CNTN6: variants seen among roughly 807,000 people sequenced by gnomAD.
CNTN6 encodes contactin-6.
Under a neutral mutation model 122.8 loss-of-function variants are expected in CNTN6, and 137 were observed. That is an observed-to-expected ratio of 1.12 (90% confidence interval 0.97 to 1.29). CNTN6 has a LOEUF of 1.29. Ranked by LOEUF, CNTN6 falls within the 50% of genes most tolerant of loss-of-function variation. The pLI, the probability that CNTN6 is intolerant of heterozygous loss-of-function variation, is 0.00. For missense variants in CNTN6, 1,634 were observed against 1,223.4 expected, an observed-to-expected ratio of 1.34 and a Z score of -5.01; for synonymous variants, 570 against 426.0, an observed-to-expected ratio of 1.34 and a Z score of -4.16.
chr3:1,389,843 TCAA>T (rs1693828847), intron 20 of CNTN6, among the ~76,000 whole-genome samples: 1 of 151,450 alleles, frequency 6.6e-6, no homozygotes, highest in Non-Finnish European at 1.5e-5. Context: ...AGGGATCAAT[TCAA>T]CAAGAAGAGC....
At chr3:1,151,643 T>C (rs2092844829) in intron 2 of CNTN6, among the ~76,000 whole-genome samples, 2 of 152,182 alleles carry the variant, frequency 1.3e-5, no homozygotes, top group Admixed American at 6.5e-5. Context: ...GCAAGGAGCT[T>C]GATGTTGACC....
intron 6 of CNTN6, among the ~76,000 whole-genome samples, chr3:1,297,075 A>G (rs1696362669): frequency 6.6e-6 from 1 of 152,182 alleles, no homozygotes; most frequent in African/African-American, 2.4e-5. Context: ...TGAATGAAGT[A>G]GTACTCACTA....
intron 12 of CNTN6, among the ~76,000 whole-genome samples, chr3:1,369,483 G>A (rs1708689386): frequency 6.7e-6 from 1 of 149,772 alleles, no homozygotes; most frequent in Admixed American, 6.7e-5. Flanking sequence ...AGTTACAAAT[G>A]AGTTAACTAG....
chr3:1,202,545 AATAAATAAATAAATAAATAAATAAAT>A (rs1204270044), intron 2 of CNTN6, among the ~76,000 whole-genome samples: 4 of 70,400 alleles, frequency 5.7e-5, no homozygotes, highest in Non-Finnish European at 1.0e-4. Context: ...CGTCTCAAAA[AATAAATAAATAAATAAATAAATAAAT>A]AAATAAATAA....
intron 1 of CNTN6, among the ~76,000 whole-genome samples, chr3:1,135,272 G>T (rs1013800249): frequency 2.0e-5 from 3 of 152,064 alleles, no homozygotes; most frequent in Non-Finnish European, 4.4e-5. Context: ...CAGCATCACT[G>T]TTGACAGGCA....
In CNTN6 at chr3:1,288,164, A is replaced by G. The variant is rs535914708; in HGVS notation, c.455-7437A>G. ...TTCTATAGTTATTTGGAACTTAGCA[A>G]TATTAGGAACCCATGAGACCTTTAT... On this transcript the variant is annotated intron_variant, in intron 5 of 22. Coordinates refer to ENST00000446702, the MANE Select transcript of CNTN6 (RefSeq NM_001289080.2). 2.9e-4 allele frequency among the ~76,000 whole-genome samples: 44 copies of G among 152,258 alleles called. 1 individual carries two copies. Among genetic ancestry groups the G allele is most frequent in the Admixed American group, 6.5e-4 (10 of 15,290 alleles).
At chr3:1,319,833 GAAAAT>G (rs61076777) in intron 7 of CNTN6, among the ~76,000 whole-genome samples, 5,431 of 136,030 alleles carry the variant, frequency 0.04, 319 homozygotes, top group African/African-American at 0.13. Flanking sequence ...ACAGAGAGCA[GAAAAT>G]AAAATAAAAT....
intron 2 of CNTN6, among the ~76,000 whole-genome samples, chr3:1,167,296 T>C (rs181923847): frequency 7.2e-5 from 11 of 152,312 alleles, no homozygotes; most frequent in Admixed American, 6.5e-4. Context: ...TTTTCATTTT[T>C]TCCTATCAGT....
Position 1,402,436 on chromosome 3 carries a change from A to G in CNTN6, c.2936A>G (p.Asp979Gly). 1 of 1,612,216 alleles carries G rather than the reference A, an allele frequency of 6.2e-7. No individual in the cohort carries two copies. Among genetic ancestry groups the G allele is most frequent in the Non-Finnish European group, 8.5e-7 (1 of 1,178,726 alleles). ...DYLIEIRTVSDGGDGSSSEEI... is the reference protein window; with the variant it reads ...DYLIEIRTVSGGGDGSSSEEI... ...TTAATTGAAATAAGAACAGTCAGTG[A>G]TGGTGGAGATGGAAGCAGCAGTGAG... The change falls in exon 22 of 23, where the codon GAT becomes GGT. Residue 979 changes from aspartate (D) to glycine (G), a missense_variant. Transcript: ENST00000446702.
chr3:1,112,601 G>A (rs1233520118), intron 1 of CNTN6, among the ~76,000 whole-genome samples: 1 of 152,124 alleles, frequency 6.6e-6, no homozygotes, highest in Non-Finnish European at 1.5e-5. Context: ...TGATAGGATT[G>A]TGCCCACCCA....
At chr3:1,269,953 G>A (rs1575495440) in intron 4 of CNTN6, among the ~76,000 whole-genome samples, 1 of 152,186 alleles carries the variant, frequency 6.6e-6, no homozygotes, top group East Asian at 1.9e-4. Flanking sequence ...TTTGACACCA[G>A]GAGCTCTTAA....
At chr3:1,298,278 T>A (rs1696623250) in intron 7 of CNTN6, 1 of 269,046 alleles carries the variant, frequency 3.7e-6, no homozygotes, top group African/African-American at 2.2e-5. Context: ...TGCAAGGGAA[T>A]AAGTGCACTC....
intron 12 of CNTN6, among the ~76,000 whole-genome samples, chr3:1,358,644 A>T (rs549305322): frequency 1.7e-4 from 26 of 152,112 alleles, no homozygotes; most frequent in African/African-American, 5.5e-4. Context: ...AATCAAACTT[A>T]GCCTTATCCT....
intron 3 of CNTN6, among the ~76,000 whole-genome samples, chr3:1,222,448 T>C (rs1477242443): frequency 6.6e-6 from 1 of 152,146 alleles, no homozygotes; most frequent in African/African-American, 2.4e-5. Context: ...GTTTGCTGAA[T>C]ATAAGACAGA....
intron 1 of CNTN6, among the ~76,000 whole-genome samples, chr3:1,142,892 A>G (rs2092640454): frequency 6.6e-6 from 1 of 150,766 alleles, no homozygotes; most frequent in South Asian, 2.1e-4. Flanking sequence ...ATTTATATGT[A>G]TTTTTATTTG....
At chr3:1,173,937 C>A (rs2093404968) in intron 2 of CNTN6, among the ~76,000 whole-genome samples, 1 of 150,924 alleles carries the variant, frequency 6.6e-6, no homozygotes, top group Non-Finnish European at 1.5e-5. Flanking sequence ...AAATTCCTTT[C>A]TATCTCCAAT....
rs780891197 is a variant in CNTN6 at position 1,403,346 on chromosome 3, A to G, written c.3015A>G (p.Leu1005=). 5 of 1,610,734 alleles carry G rather than the reference A, an allele frequency of 3.1e-6. No homozygotes were observed. Among genetic ancestry groups the G allele is most frequent in the Non-Finnish European group, 4.2e-6 (5 of 1,178,328 alleles). ...TGAGTTCCAGAGGAATTCAATTCTT[A>G]GAACCTAGCACCCATTTTCTTTCCA... ...SSLSSRGIQF[L]EPSTHFLSIV... is the part of the protein sequence containing the mutation. The change falls in exon 23 of 23, where the codon TTA becomes TTG. Residue 1005 remains leucine (L), a synonymous_variant. Coordinates refer to ENST00000446702, the MANE Select transcript of CNTN6 (RefSeq NM_001289080.2).
chr3:1,347,149 T>C (rs2126058450), intron 11 of CNTN6, among the ~76,000 whole-genome samples: 1 of 152,324 alleles, frequency 6.6e-6, no homozygotes, highest in African/African-American at 2.4e-5. Flanking sequence ...AGCTTGTTCT[T>C]CTGAATTTTG....
At chr3:1,214,907 C>T (rs2094108855) in intron 2 of CNTN6, among the ~76,000 whole-genome samples, 1 of 152,106 alleles carries the variant, frequency 6.6e-6, no homozygotes, top group African/African-American at 2.4e-5. Flanking sequence ...AAGCACCCAC[C>T]ACTGCTAATT....
Sources: allele counts gnomAD v4.1 joint callset (sites outside exome capture counted in the v4.1 genomes callset), GRCh38; gene constraint gnomAD v4.1.1; transcripts MANE v1.5; gene names NCBI Gene and HGNC (gene_info 2026-07-23, HGNC 2026-07-21).